The following KHDRBS2 variants were observed in gnomAD, a reference collection of about 807,000 sequenced individuals.
KHDRBS2 encodes KH RNA binding domain containing, signal transduction associated 2.
KHDRBS2 carries 26 observed loss-of-function variants against 44.3 expected under a neutral mutation model. That is an observed-to-expected ratio of 0.59 (90% CI 0.43 to 0.81). The LOEUF (loss-of-function observed/expected upper bound fraction) is 0.81, where lower values mean the gene tolerates loss of function less well. Among genes scored for constraint, KHDRBS2 ranks in the 40% least tolerant of loss-of-function variants. The pLI is 0.00. For synonymous variants in KHDRBS2, 194 were observed against 151.1 expected (o/e 1.28, Z -2.08); for missense variants, 476 against 433.1 (o/e 1.10, Z -0.88).
chr6:61,932,270 G>C (rs1213268955), intron 4 of KHDRBS2, among the ~76,000 whole-genome samples: 1 of 152,130 alleles, frequency 6.6e-6, no homozygotes, highest in Non-Finnish European at 1.5e-5. Flanking sequence ...AGTTTACATA[G>C]TTATAATTTT....
intron 3 of KHDRBS2, among the ~76,000 whole-genome samples, chr6:62,040,190 A>G (rs1230018029): frequency 6.6e-6 from 1 of 152,004 alleles, no homozygotes; most frequent in Non-Finnish European, 1.5e-5. Flanking sequence ...TGTAAATACA[A>G]TACAATACAA....
chr6:62,100,240 T>C (rs1801551245), intron 2 of KHDRBS2, among the ~76,000 whole-genome samples: 1 of 152,182 alleles, frequency 6.6e-6, no homozygotes, highest in Admixed American at 6.5e-5. Context: ...GACTGAATTG[T>C]CACAATTTTA....
intron 2 of KHDRBS2, among the ~76,000 whole-genome samples, chr6:62,169,036 T>C (rs1226306131): frequency 7.6e-6 from 1 of 131,662 alleles, no homozygotes; most frequent in Non-Finnish European, 1.6e-5. Flanking sequence ...TCTCCAGTCA[T>C]ATATATATAT....
chr6:61,565,519 C>T, the KHDRBS2 span, among the ~76,000 whole-genome samples: 8 of 152,038 alleles, frequency 5.3e-5, no homozygotes, highest in African/African-American at 1.9e-4. Context: ...TAAATAGATG[C>T]TTTTCAAAAG....
chr6:61,808,235 G>A (rs1787485163), intron 6 of KHDRBS2, among the ~76,000 whole-genome samples: 1 of 151,992 alleles, frequency 6.6e-6, no homozygotes, highest in African/African-American at 2.4e-5. Flanking sequence ...TTTGAAAGTA[G>A]AATTCATTTT....
At chr6:61,858,567 T>C (rs1460391713) in intron 6 of KHDRBS2, among the ~76,000 whole-genome samples, 1 of 151,956 alleles carries the variant, frequency 6.6e-6, no homozygotes. Context: ...AGATCATCTC[T>C]TACTTTACAA....
chr6:62,071,109 C>G (rs1315220583), intron 2 of KHDRBS2, among the ~76,000 whole-genome samples: 3 of 152,080 alleles, frequency 2.0e-5, no homozygotes, highest in Admixed American at 6.6e-5. Flanking sequence ...GCATTTTTTT[C>G]ATGTGTCTTT....
chr6:61,947,913 AAATAATAATAATAATAATAAT>A (rs56372678), intron 4 of KHDRBS2, among the ~76,000 whole-genome samples: 4 of 143,216 alleles, frequency 2.8e-5, no homozygotes, highest in African/African-American at 7.8e-5. Flanking sequence ...CACACACACA[AAATAATAATAATAATAATAAT>A]AATAATAATA....
the KHDRBS2 span, among the ~76,000 whole-genome samples, chr6:61,609,731 T>C: frequency 6.6e-6 from 1 of 152,218 alleles, no homozygotes; most frequent in African/African-American, 2.4e-5. Flanking sequence ...GTAGAAGTCA[T>C]ATAAATAATC....
At chr6:61,813,715 A>G (rs1382878279) in intron 6 of KHDRBS2, among the ~76,000 whole-genome samples, 1 of 152,166 alleles carries the variant, frequency 6.6e-6, no homozygotes, top group African/African-American at 2.4e-5. Context: ...CTACTAGCAG[A>G]ACTGCTTTTA....
intron 7 of KHDRBS2, among the ~76,000 whole-genome samples, chr6:61,708,404 C>A (rs2127549348): frequency 6.6e-6 from 1 of 151,506 alleles, no homozygotes; most frequent in Non-Finnish European, 1.5e-5. Context: ...ATGTTTCAAT[C>A]CAAATGCAAA....
At chr6:61,655,375 T>C in the KHDRBS2 span, among the ~76,000 whole-genome samples, 4 of 152,080 alleles carry the variant, frequency 2.6e-5, no homozygotes, top group South Asian at 8.3e-4. Context: ...TGCCTCAGCC[T>C]CCCAAGTAGC....
At position 61,809,139 on chromosome 6, in the gene KHDRBS2, CTT is replaced by C. The variant is rs1787683212; in HGVS notation, c.811-76377_811-76376del. Among the ~76,000 whole-genome samples the C allele has an allele frequency of 2.0e-5, 3 of 152,100 alleles. No individual in the cohort carries two copies. The South Asian group carries it at 6.2e-4, about 32-fold the overall frequency. ...TGGTATCACATCTAAGCACTAGCCTCTTTTTACTATATTTGCAGAAGTCAAAT... is the reference window on the plus strand; with the variant it reads ...TGGTATCACATCTAAGCACTAGCCTCTTTACTATATTTGCAGAAGTCAAAT... On this transcript the variant is annotated intron_variant, in intron 6 of 8. Coordinates refer to ENST00000281156, the MANE Select transcript of KHDRBS2 (RefSeq NM_152688.4).
chr6:61,941,884 A>T (rs747479150), intron 4 of KHDRBS2, among the ~76,000 whole-genome samples: 3 of 152,312 alleles, frequency 2.0e-5, no homozygotes, highest in Non-Finnish European at 4.4e-5. Flanking sequence ...CCTCCAACGA[A>T]CATAATAATA....
At chr6:62,206,070 T>G (rs1827912955) in intron 1 of KHDRBS2, among the ~76,000 whole-genome samples, 1 of 152,182 alleles carries the variant, frequency 6.6e-6, no homozygotes, top group Non-Finnish European at 1.5e-5. Context: ...GGTTTACATA[T>G]TAGAAATAAA....
At chr6:62,118,655 T>A (rs1806873873) in intron 2 of KHDRBS2, among the ~76,000 whole-genome samples, 1 of 152,256 alleles carries the variant, frequency 6.6e-6, no homozygotes, top group African/African-American at 2.4e-5. Flanking sequence ...GTGGGCACCA[T>A]CTAATCAGCT....
chr6:62,061,389 C>T (rs1437909201), intron 2 of KHDRBS2, among the ~76,000 whole-genome samples: 1 of 151,498 alleles, frequency 6.6e-6, no homozygotes, highest in African/African-American at 2.4e-5. Flanking sequence ...AATCTCTCAG[C>T]ATTTGCTTGT....
intron 4 of KHDRBS2, among the ~76,000 whole-genome samples, chr6:61,955,653 T>C (rs577768367): frequency 0.045 from 5,255 of 117,164 alleles, 588 homozygotes; most frequent in African/African-American, 0.14. Flanking sequence ...TATGTATGTA[T>C]GCATATATGT....
chr6:61,651,694 C>A, the KHDRBS2 span, among the ~76,000 whole-genome samples: 6 of 152,090 alleles, frequency 3.9e-5, no homozygotes, highest in African/African-American at 1.4e-4. Context: ...CCTTCTGGCT[C>A]ACAATCCTTG....
Sources: gnomAD v4.1 joint callset for allele counts (sites outside exome capture counted in the v4.1 genomes callset) on GRCh38, gnomAD v4.1.1 for gene constraint, MANE v1.5 for transcripts, NCBI Gene and HGNC (gene_info 2026-07-23, HGNC 2026-07-21) for gene names.